The following RAB3GAP2 variants were observed in gnomAD, a reference collection of about 807,000 sequenced individuals.
The protein encoded by RAB3GAP2 is RAB3 GTPase activating non-catalytic protein subunit 2, also known as rab3 GTPase-activating protein non-catalytic subunit.
RAB3GAP2 carries 87 observed loss-of-function variants against 185.3 expected under a neutral mutation model. The observed-to-expected ratio is 0.47, with a 90% CI of 0.39 to 0.56. The LOEUF is 0.56. Ranked by LOEUF, RAB3GAP2 falls within the 20% of genes least tolerant of loss-of-function variation. The pLI is 0.00. For synonymous variants in RAB3GAP2, 554 were observed against 576.1 expected (o/e 0.96, Z 0.55); for missense variants, 1,492 against 1,638.2 (o/e 0.91, Z 1.54).
rs560745601 is a variant in RAB3GAP2, at chr1:220,246,686, C to T, written c.116-13823G>A. ...ATCGCAAGAACAAAAAACCAAACAC[C>T]GCATATTCTCACTCATAGGTGGGAA... On this transcript the variant is annotated intron_variant, in intron 1 of 34. Coordinates refer to ENST00000358951, the MANE Select transcript of RAB3GAP2 (RefSeq NM_012414.4). 3.1e-3 allele frequency among the ~76,000 whole-genome samples: 397 copies of T among 128,420 alleles called. 14 individuals are homozygous for T. Among genetic ancestry groups the T allele is most frequent in the Admixed American group, 0.027 (333 of 12,436 alleles). The allele number at this position is 128,420 out of a possible 152,430, so 84.2% of individuals were successfully genotyped here. A position where few individuals can be genotyped will look rare whatever the true frequency, so the allele number is the denominator to read the frequency against.
Position 220,153,325 on chromosome 1 carries a change from G to A in RAB3GAP2, c.3727C>T (p.Pro1243Ser). 1 of 1,614,194 alleles carries A rather than the reference G, an allele frequency of 6.2e-7. No individual in the cohort carries two copies. The highest frequency in any genetic ancestry group is 1.3e-5 in the African/African-American group (1 of 75,052). The change falls in exon 33 of 35, where the codon CCC (proline) becomes TCC (serine). Residue 1243 changes from proline (P) to serine (S), a missense_variant. By Grantham distance (74) the Pro-to-Ser change is moderately conservative. Coordinates refer to ENST00000358951, the MANE Select transcript of RAB3GAP2 (RefSeq NM_012414.4). Reference protein sequence around the residue: ...KVKDPTEEATPTPFGKDQDWP... With the variant: ...KVKDPTEEATSTPFGKDQDWP... ...TCTTGGTCTTTCCCAAAAGGAGTGG[G>A]TGTGGCCTCTTCTGTGGGATCTTTG... is the stretch of plus-strand genomic sequence containing the variant.
intron 19 of RAB3GAP2, 89 bp downstream of exon 19, chr1:220,183,947 T>C (rs1415710879): frequency 1.7e-6 from 2 of 1,180,204 alleles, no homozygotes; most frequent in Non-Finnish European, 2.3e-6. Flanking sequence ...AAAAAAATTC[T>C]TAATTTTCTA....
At chr1:220,167,760 A>G (rs1658097651) in intron 24 of RAB3GAP2, 85 bp from the exon 25 acceptor site, 1 of 1,346,846 alleles carries the variant, frequency 7.4e-7, no homozygotes. Context: ...CCTTACGAAG[A>G]GATCTAAGTG....
chr1:220,152,081 TTTG>T (rs1421275092), intron 33 of RAB3GAP2, among the ~76,000 whole-genome samples: 1 of 152,142 alleles, frequency 6.6e-6, no homozygotes, highest in East Asian at 1.9e-4. Flanking sequence ...ATGGCTTTTT[TTTG>T]TTGTTTTTTG....
At chr1:220,171,444 A>C (rs1342396549) in intron 23 of RAB3GAP2, among the ~76,000 whole-genome samples, 2 of 152,208 alleles carry the variant, frequency 1.3e-5, no homozygotes, top group African/African-American at 2.4e-5. Context: ...CAAAATACTT[A>C]TATTTCTTCA....
chr1:220,253,681 A>G, intron 1 of RAB3GAP2: 1 of 1,607,370 alleles, frequency 6.2e-7, no homozygotes, highest in Non-Finnish European at 8.5e-7. Flanking sequence ...CATAAAGGAC[A>G]AACAAGTGAA....
intron 1 of RAB3GAP2, chr1:220,267,026 G>A: frequency 6.2e-7 from 1 of 1,611,620 alleles, no homozygotes; most frequent in Admixed American, 1.7e-5. Flanking sequence ...ATCATTTCGG[G>A]GGGCAGGTAG....
At chr1:220,182,647 T>A in intron 20 of RAB3GAP2, 71 bp downstream of exon 20, 2 of 1,278,280 alleles carry the variant, frequency 1.6e-6, no homozygotes. Flanking sequence ...ATCTCTGAGA[T>A]GCTATATGTT....
chr1:220,254,575 G>T, intron 1 of RAB3GAP2: 3 of 1,439,166 alleles, frequency 2.1e-6, no homozygotes, highest in Non-Finnish European at 2.9e-6. Flanking sequence ...TTGGATCTCC[G>T]TAAACACATT....
At position 220,158,271 on chromosome 1, in the gene RAB3GAP2, A is replaced by G. The variant is rs1389011979; in HGVS notation, c.3262-395T>C. Among the ~76,000 whole-genome samples the G allele has an allele frequency of 6.6e-6, 1 of 152,082 alleles. No individual in the cohort carries two copies. The highest frequency in any genetic ancestry group is 1.5e-5 in the Non-Finnish European group (1 of 68,024). ...AATCTAACCTGAAAAGCTCCAAGAA[A>G]ACAGCCTGGTCTGCTTTCAGAGCGT... On this transcript the variant is annotated intron_variant, in intron 29 of 34. Transcript: ENST00000358951. The surrounding 1 kb of genome is among the most constrained non-coding windows in gnomAD (Gnocchi z 4.3).
Position 220,210,875 on chromosome 1 carries a change from T to C in RAB3GAP2, c.436A>G (p.Ser146Gly), listed in dbSNP as rs773061179. The change falls in exon 6 of 35, where the codon AGT (serine) becomes GGT (glycine). Residue 146 changes from serine (S) to glycine (G), a missense_variant and splice_region_variant. Coordinates refer to ENST00000358951, the MANE Select transcript of RAB3GAP2 (RefSeq NM_012414.4). ...GTCCAGTCAGGACGCCCAGTGGAAC[T>C]CCTGTTACAAACAAAATTTATTATC... is the stretch of plus-strand genomic sequence containing the variant. ...LCIPLASQKR[S>G]STGRPDWTCI... 2 of 1,613,790 alleles carry C rather than the reference T, an allele frequency of 1.2e-6. No homozygotes were observed. Among genetic ancestry groups the C allele is most frequent in the African/African-American group, 1.3e-5 (1 of 74,924 alleles).
intron 6 of RAB3GAP2, 35 bp from the exon 7 acceptor site, chr1:220,210,524 T>C: frequency 6.6e-7 from 1 of 1,506,524 alleles, no homozygotes; most frequent in Non-Finnish European, 9.2e-7. Flanking sequence ...CCTGCTTGTT[T>C]TCTTACCAAT....
intron 28 of RAB3GAP2, among the ~76,000 whole-genome samples, chr1:220,161,406 T>A (rs1199536820): frequency 6.6e-6 from 1 of 152,182 alleles, no homozygotes; most frequent in African/African-American, 2.4e-5. Flanking sequence ...CTAATCTACA[T>A]TGTTGAGTGG....
intron 21 of RAB3GAP2, 65 bp downstream of exon 21, chr1:220,182,192 A>G: frequency 1.3e-6 from 2 of 1,595,598 alleles, no homozygotes; most frequent in South Asian, 2.3e-5. Context: ...AAAAAAAAAG[A>G]AGACTGACAC....
At position 220,158,739 on chromosome 1, in the gene RAB3GAP2, C is replaced by T. The variant is rs1657905079; in HGVS notation, c.3261+647G>A. On this transcript the variant is annotated intron_variant, in intron 29 of 34. Coordinates refer to ENST00000358951, the MANE Select transcript of RAB3GAP2 (RefSeq NM_012414.4). This position sits in a 1 kb window ranked among gnomAD's most constrained non-coding sequence, Gnocchi z 4.3. ...TACAGGCGTGAGCCACCGCGCCCTG[C>T]CATATAATCTTTTTAAAACCAACAA... Among the ~76,000 whole-genome samples, 1 of 147,430 alleles carries T rather than the reference C, an allele frequency of 6.8e-6. No homozygotes were observed. The highest frequency in any genetic ancestry group is 2.6e-5 in the African/African-American group (1 of 38,360).
intron 1 of RAB3GAP2, among the ~76,000 whole-genome samples, chr1:220,237,633 T>G (rs1234393296): frequency 6.6e-6 from 1 of 152,216 alleles, no homozygotes; most frequent in Non-Finnish European, 1.5e-5. Flanking sequence ...GGAATCTCTA[T>G]TTAACAACTT....
In RAB3GAP2 at chr1:220,151,237, C is replaced by G; in HGVS notation, c.*14G>C. On this transcript the variant is annotated 3_prime_UTR_variant, in exon 35 of 35. Transcript: ENST00000358951. ...TTATAATCATAATTTTAGACTATTTCCAGTAGGTAAGTGTCATAAAGAAGG... is the reference window on the plus strand; with the variant it reads ...TTATAATCATAATTTTAGACTATTTGCAGTAGGTAAGTGTCATAAAGAAGG... The G allele has an allele frequency of 6.2e-7, 1 of 1,610,752 alleles. No homozygotes were observed. The highest frequency in any genetic ancestry group is 8.5e-7 in the Non-Finnish European group (1 of 1,177,444).
chr1:220,237,446 C>T (rs1271073505), intron 1 of RAB3GAP2, among the ~76,000 whole-genome samples: 1 of 152,224 alleles, frequency 6.6e-6, no homozygotes, highest in Non-Finnish European at 1.5e-5. Flanking sequence ...AAACAGCATT[C>T]ACATTAATTG....
At chr1:220,266,828 A>C in intron 1 of RAB3GAP2, 2 of 1,597,262 alleles carry the variant, frequency 1.3e-6, no homozygotes, top group Non-Finnish European at 1.7e-6. Flanking sequence ...ATGCTTCAAC[A>C]GTCTTGAAAT....
Sources: gnomAD v4.1 joint callset for allele counts (sites outside exome capture counted in the v4.1 genomes callset) on GRCh38, gnomAD v4.1.1 for gene constraint, Gnocchi (gnomAD v3.1) non-coding constraint, MANE v1.5 for transcripts, NCBI Gene and HGNC (gene_info 2026-07-23, HGNC 2026-07-21) for gene names.